AP4E1: variants seen among roughly 807,000 people sequenced by gnomAD.
The protein encoded by AP4E1 is adaptor related protein complex 4 subunit epsilon 1.
A neutral mutation model predicts 128.2 loss-of-function variants in AP4E1; 56 were observed. The observed-to-expected ratio is 0.44, with a 90% CI of 0.35 to 0.55. The LOEUF is 0.55. AP4E1 is among the 20% of genes least tolerant of loss of function. The pLI is 0.00. For missense variants in AP4E1, 1,324 were observed against 1,307.7 expected (o/e 1.01, Z -0.19); for synonymous variants, 484 against 473.1 (o/e 1.02, Z -0.30).
At position 50,915,528 on chromosome 15, in the gene AP4E1, A is replaced by G. The variant is rs1308625507; in HGVS notation, c.303A>G (p.Ala101=). The change falls in exon 3 of 21, where the codon GCA becomes GCG. Residue 101 remains alanine, a synonymous_variant. Coordinates refer to ENST00000261842, the MANE Select transcript of AP4E1 (RefSeq NM_007347.5). ...ATGCTTCCTTTGGCTATATTCATGCAATCAAGTTAGCCCAACAAGGAAACC... is the reference window on the plus strand; with the variant it reads ...ATGCTTCCTTTGGCTATATTCATGCGATCAAGTTAGCCCAACAAGGAAACC... ...GYDASFGYIH[A]IKLAQQGNLL... The G allele has an allele frequency of 4.3e-6, 7 of 1,613,530 alleles. No individual in the cohort carries two copies. In the East Asian group the frequency reaches 1.6e-4, roughly 36 times the overall value.
At chr15:50,938,901 C>G (rs1026268145) in intron 8 of AP4E1, among the ~76,000 whole-genome samples, 15 of 152,158 alleles carry the variant, frequency 9.9e-5, no homozygotes, top group Non-Finnish European at 1.9e-4. Flanking sequence ...CCTCCTCTCT[C>G]CTGCCAGAAT....
rs747598737 is a variant in AP4E1 at position 50,997,726 on chromosome 15, C to T, written c.2747C>T (p.Ser916Leu). The T allele has an allele frequency of 6.2e-7, 1 of 1,613,912 alleles. No homozygotes were observed. The highest frequency in any genetic ancestry group is 1.1e-5 in the South Asian group (1 of 91,062). ...FLEETTEYIH[S>L]NAMEVCNNET... Reference sequence around the variant, plus strand: ...GAAGAAACTACTGAATACATACACTCAAATGCTATGGAAGTCTGTAATAAT... The same window carrying T: ...GAAGAAACTACTGAATACATACACTTAAATGCTATGGAAGTCTGTAATAAT... The change falls in exon 18 of 21, where the codon TCA becomes TTA. Residue 916 changes from serine (S) to leucine (L), a missense_variant. Coordinates refer to ENST00000261842, the MANE Select transcript of AP4E1 (RefSeq NM_007347.5).
chr15:50,930,072 C>CTT (rs1409254424), intron 6 of AP4E1, among the ~76,000 whole-genome samples: 1 of 137,112 alleles, frequency 7.3e-6, no homozygotes, highest in Admixed American at 7.4e-5. Context: ...ATTTTGGGGA[C>CTT]TTTTTTTTTT....
At chr15:50,955,470 A>G (rs1327957341) in intron 13 of AP4E1, among the ~76,000 whole-genome samples, 1 of 152,120 alleles carries the variant, frequency 6.6e-6, no homozygotes, top group African/African-American at 2.4e-5. Flanking sequence ...GTTGTGTTCT[A>G]TAAAGTCTGT....
intron 14 of AP4E1, among the ~76,000 whole-genome samples, chr15:50,964,449 A>AT (rs981211636): frequency 7.5e-5 from 10 of 133,352 alleles, no homozygotes; most frequent in Middle Eastern, 8.0e-3. Context: ...CATTATTTTG[A>AT]TTTTTTTTTC....
chr15:50,973,971 T>G (rs1201321917), intron 15 of AP4E1, among the ~76,000 whole-genome samples: 1 of 152,120 alleles, frequency 6.6e-6, no homozygotes, highest in Non-Finnish European at 1.5e-5. Context: ...GTAGTTGTAT[T>G]TTTATTTATT....
intron 8 of AP4E1, among the ~76,000 whole-genome samples, chr15:50,938,057 T>C (rs1361541025): frequency 6.6e-6 from 1 of 152,014 alleles, no homozygotes; most frequent in African/African-American, 2.4e-5. Context: ...TCTCACTAAT[T>C]TCACCTAAAA....
chr15:50,949,912 A>T lies in AP4E1; in HGVS notation c.1403A>T (p.Asn468Ile). ...GATGTAATGCATCCTGATATTCCCA[A>T]TAACTTTCTGAGACTACTAGCGGAA... ...GGDVMHPDIP[N>I]NFLRLLAEGF... is the part of the protein sequence containing the mutation. Residue 468 changes from asparagine to isoleucine, a missense_variant, in exon 12 of 21, where the codon AAT becomes ATT. By Grantham distance (149) the Asn-to-Ile change is moderately radical (BLOSUM62 -3). Coordinates refer to ENST00000261842, the MANE Select transcript of AP4E1 (RefSeq NM_007347.5). 1 of 1,613,656 alleles carries T rather than the reference A, an allele frequency of 6.2e-7. No individual in the cohort carries two copies. Among genetic ancestry groups the T allele is most frequent in the Non-Finnish European group, 8.5e-7 (1 of 1,179,668 alleles).
chr15:50,927,202 A>G (rs563919442), intron 5 of AP4E1, among the ~76,000 whole-genome samples: 54 of 152,100 alleles, frequency 3.6e-4, no homozygotes, highest in African/African-American at 1.3e-3. Context: ...TCCCGTTTCA[A>G]TTTTTTTCTT....
chr15:50,946,654 A>G (rs2064065595), intron 10 of AP4E1, among the ~76,000 whole-genome samples: 2 of 152,184 alleles, frequency 1.3e-5, no homozygotes, highest in African/African-American at 4.8e-5. Flanking sequence ...ATATTGAGTA[A>G]GTTTGACAAA....
intron 7 of AP4E1, among the ~76,000 whole-genome samples, chr15:50,932,954 A>G (rs1363071049): frequency 6.6e-6 from 1 of 152,192 alleles, no homozygotes; most frequent in Non-Finnish European, 1.5e-5. Context: ...TAAAATCATG[A>G]ATTTTATATT....
At chr15:50,999,384 G>T in intron 19 of AP4E1, 122 bp downstream of exon 19, 1 of 726,396 alleles carries the variant, frequency 1.4e-6, no homozygotes, top group Non-Finnish European at 2.2e-6. Flanking sequence ...ACTACGCACA[G>T]TTCCTACGTT....
intron 17 of AP4E1, among the ~76,000 whole-genome samples, chr15:50,995,734 G>C (rs2064860215): frequency 6.6e-6 from 1 of 151,982 alleles, no homozygotes; most frequent in East Asian, 1.9e-4. Flanking sequence ...GTGCTAAACT[G>C]TTTCTTTTCT....
chr15:50,969,766 C>T (rs897275296), intron 15 of AP4E1, among the ~76,000 whole-genome samples: 2 of 150,848 alleles, frequency 1.3e-5, no homozygotes, highest in African/African-American at 4.9e-5. Flanking sequence ...TCATGCCATT[C>T]TCCTGCCTCA....
At chr15:50,921,740 C>T (rs2063705238) in intron 3 of AP4E1, among the ~76,000 whole-genome samples, 1 of 152,192 alleles carries the variant, frequency 6.6e-6, no homozygotes, top group South Asian at 2.1e-4. Context: ...AATTTCTGTA[C>T]TCAAAGCTTG....
intron 16 of AP4E1, among the ~76,000 whole-genome samples, chr15:50,986,622 G>A (rs2064727843): frequency 6.6e-6 from 1 of 152,160 alleles, no homozygotes; most frequent in South Asian, 2.1e-4. Flanking sequence ...ATTGATTTGT[G>A]TATATTGAAC....
chr15:50,938,790 A>G (rs969723839), intron 8 of AP4E1, among the ~76,000 whole-genome samples: 3 of 152,116 alleles, frequency 2.0e-5, no homozygotes, highest in Non-Finnish European at 4.4e-5. Flanking sequence ...GCAGGGTAGA[A>G]TCAGTTGATA....
intron 16 of AP4E1, among the ~76,000 whole-genome samples, chr15:50,984,769 C>T (rs970138250): frequency 5.9e-5 from 9 of 152,132 alleles, no homozygotes; most frequent in East Asian, 1.9e-4. Context: ...AGTAAACATA[C>T]GTGTGCATGT....
chr15:50,966,196 G>C (rs141785683), intron 14 of AP4E1, among the ~76,000 whole-genome samples: 6,983 of 152,254 alleles, frequency 0.046, 519 homozygotes, highest in African/African-American at 0.16. Context: ...TGGGATTACA[G>C]ATGTGAGCCA....
Sources: allele counts gnomAD v4.1 joint callset (sites outside exome capture counted in the v4.1 genomes callset), GRCh38; gene constraint gnomAD v4.1.1; transcripts MANE v1.5; gene names NCBI Gene and HGNC (gene_info 2026-07-23, HGNC 2026-07-21).